The following TGFA variants were observed in gnomAD, a reference collection of about 807,000 sequenced individuals.
The protein encoded by TGFA is protransforming growth factor alpha.
A neutral mutation model predicts 21.7 loss-of-function variants in TGFA; 12 were observed. The ratio of observed to expected loss-of-function variants is 0.55; its 90% confidence interval spans 0.35 to 0.90. The LOEUF (loss-of-function observed/expected upper bound fraction) is 0.90. Ranked by LOEUF, TGFA falls within the 40% of genes least tolerant of loss-of-function variation. The pLI, the probability that TGFA is intolerant of heterozygous loss-of-function variation, is 0.01. For synonymous variants in TGFA, 79 were observed against 88.1 expected (o/e 0.90, Z 0.58); for missense variants, 178 against 210.8 (o/e 0.84, Z 0.96).
chr2:70,454,000 T>C (rs1670141751), intron 4 of TGFA, among the ~76,000 whole-genome samples: 1 of 143,664 alleles, frequency 7.0e-6, no homozygotes, highest in Non-Finnish European at 1.6e-5. Flanking sequence ...TTTCAGACTT[T>C]GCATGAAAAA....
At chr2:70,547,875 A>C (rs1301296129) in intron 1 of TGFA, among the ~76,000 whole-genome samples, 3 of 148,742 alleles carry the variant, frequency 2.0e-5, no homozygotes, top group Non-Finnish European at 3.0e-5. Flanking sequence ...AGAGATATAT[A>C]TATCTATAGA....
rs1179333804 is a variant in TGFA at position 70,451,636 on chromosome 2, T to C, written c.476-770A>G. The C allele has an allele frequency of 1.3e-5, 8 of 639,828 alleles. No homozygotes were observed. The African/African-American group carries it at 1.3e-4, about 10-fold the overall frequency. The allele number at this position is 639,828 out of a possible 1,614,324, so 39.6% of individuals were successfully genotyped here. Reference sequence around the variant, plus strand: ...CTCCACCCCAAATGACTCTGTTAGGTTCAGACAAATGCTACAGAATCTATT... The same window carrying C: ...CTCCACCCCAAATGACTCTGTTAGGCTCAGACAAATGCTACAGAATCTATT... On this transcript the variant is annotated intron_variant, in intron 5 of 5. Transcript: ENST00000295400.
chr2:70,502,873 G>A (rs1437770242), intron 2 of TGFA, among the ~76,000 whole-genome samples: 1 of 152,110 alleles, frequency 6.6e-6, no homozygotes, highest in African/African-American at 2.4e-5. Flanking sequence ...TGTTCTAAGT[G>A]CTTTACGTAT....
rs13404537 is a variant in TGFA at position 70,520,577 on chromosome 2, C to T, written c.41-5665G>A. On this transcript the variant is annotated intron_variant, in intron 1 of 5. Coordinates refer to ENST00000295400, the MANE Select transcript of TGFA (RefSeq NM_003236.4). ...CAAATATTTATTTAGCACCTACATACTGTGAGCAAATTAAGTAAAAAAAGA... is the reference window on the plus strand; with the variant it reads ...CAAATATTTATTTAGCACCTACATATTGTGAGCAAATTAAGTAAAAAAAGA... Among the ~76,000 whole-genome samples the T allele has an allele frequency of 8.7e-3, 1,331 of 152,192 alleles. 16 individuals carry two copies. Among genetic ancestry groups the T allele is most frequent in the African/African-American group, 0.03 (1,254 of 41,492 alleles).
At chr2:70,486,127 C>A (rs1327675166) in intron 2 of TGFA, among the ~76,000 whole-genome samples, 2 of 152,192 alleles carry the variant, frequency 1.3e-5, no homozygotes, top group Non-Finnish European at 2.9e-5. Flanking sequence ...GGACTTTTCC[C>A]TCACCTACCC....
intron 1 of TGFA, among the ~76,000 whole-genome samples, chr2:70,551,844 C>G (rs1673520694): frequency 6.6e-6 from 1 of 152,098 alleles, no homozygotes; most frequent in African/African-American, 2.4e-5. Flanking sequence ...AAAGAACATT[C>G]AGGCAAAAGA....
intron 2 of TGFA, among the ~76,000 whole-genome samples, chr2:70,503,289 C>G (rs1161412471): frequency 2.6e-5 from 4 of 151,976 alleles, no homozygotes; most frequent in Admixed American, 2.6e-4. Flanking sequence ...ATGGATGAAG[C>G]TGGAAACCAT....
At chr2:70,463,453 G>A (rs1452325766) in intron 3 of TGFA, among the ~76,000 whole-genome samples, 11 of 152,216 alleles carry the variant, frequency 7.2e-5, no homozygotes, top group African/African-American at 2.4e-4. Flanking sequence ...CCACCCCAGC[G>A]TTCAGAAGGC....
intron 2 of TGFA, among the ~76,000 whole-genome samples, chr2:70,504,433 A>AATATAT (rs200901290): frequency 0.023 from 1,405 of 62,128 alleles, 27 homozygotes; most frequent in Non-Finnish European, 0.028. Flanking sequence ...AAACAAAACA[A>AATATAT]ATATATATAT....
At chr2:70,478,451 C>A (rs1167279286) in intron 2 of TGFA, among the ~76,000 whole-genome samples, 5 of 152,010 alleles carry the variant, frequency 3.3e-5, no homozygotes, top group Non-Finnish European at 7.4e-5. Context: ...CTCCAAATGG[C>A]CATGATCATG....
At chr2:70,522,891 A>G (rs782262095) in intron 1 of TGFA, among the ~76,000 whole-genome samples, 4 of 152,228 alleles carry the variant, frequency 2.6e-5, no homozygotes, top group Non-Finnish European at 5.9e-5. Context: ...GGTGCTGGGC[A>G]GAGAGCAATG....
intron 2 of TGFA, among the ~76,000 whole-genome samples, chr2:70,505,253 T>TA (rs1254041401): frequency 5.9e-5 from 9 of 152,330 alleles, no homozygotes; most frequent in African/African-American, 1.9e-4. Context: ...ATTTTGATGT[T>TA]AAAAATGGAT....
In TGFA at chr2:70,536,712, G is replaced by A. The variant is rs1382490731; in HGVS notation, c.40+17016C>T. On this transcript the variant is annotated intron_variant, in intron 1 of 5. Coordinates refer to ENST00000295400, the MANE Select transcript of TGFA (RefSeq NM_003236.4). ...GCAGCAAAAGCAGTGCTTAGAGGAA[G>A]ATTTATAGCACTTACTGAATATATT... Among the ~76,000 whole-genome samples, 3 of 152,190 alleles carry A rather than the reference G, an allele frequency of 2.0e-5. No individual in the cohort carries two copies. The East Asian group carries it at 5.8e-4, about 29-fold the overall frequency.
intron 1 of TGFA, among the ~76,000 whole-genome samples, chr2:70,527,589 G>A (rs1476833521): frequency 3.9e-5 from 6 of 152,160 alleles, no homozygotes; most frequent in East Asian, 1.9e-4. Context: ...TAATGTAAAC[G>A]AGGGACTTTA....
chr2:70,508,207 C>A (rs893383442), intron 2 of TGFA, among the ~76,000 whole-genome samples: 1 of 152,064 alleles, frequency 6.6e-6, no homozygotes, highest in Non-Finnish European at 1.5e-5. Flanking sequence ...CACTTTGGGA[C>A]GCTGAGGCGG....
chr2:70,522,425 CTTTTATT>C (rs2103878495), intron 1 of TGFA, among the ~76,000 whole-genome samples: 1 of 152,170 alleles, frequency 6.6e-6, no homozygotes, highest in South Asian at 2.1e-4. Context: ...TTATTTCCAA[CTTTTATT>C]TTTTATTTAT....
chr2:70,483,015 A>G (rs1553495986), intron 2 of TGFA, among the ~76,000 whole-genome samples: 1 of 152,188 alleles, frequency 6.6e-6, no homozygotes, highest in East Asian at 1.9e-4. Flanking sequence ...TCTTCATTTA[A>G]AGAGGTCACT....
intron 3 of TGFA, among the ~76,000 whole-genome samples, chr2:70,458,149 T>C (rs931504954): frequency 2.0e-5 from 3 of 152,052 alleles, no homozygotes; most frequent in Non-Finnish European, 4.4e-5. Flanking sequence ...CAAAATTACA[T>C]AAAGGCAAAG....
chr2:70,472,438 C>T (rs1282755560), intron 2 of TGFA, among the ~76,000 whole-genome samples: 3 of 152,330 alleles, frequency 2.0e-5, no homozygotes, highest in South Asian at 2.1e-4. Flanking sequence ...TTGCAGACAC[C>T]ACTGCTCTCT....
Sources: allele counts gnomAD v4.1 joint callset (sites outside exome capture counted in the v4.1 genomes callset), GRCh38; gene constraint gnomAD v4.1.1; transcripts MANE v1.5; gene names NCBI Gene and HGNC (gene_info 2026-07-23, HGNC 2026-07-21).